Variants in HTR4 observed in about 807,000 individuals in gnomAD.
HTR4 encodes 5-hydroxytryptamine (serotonin) receptor 4, G protein-coupled.
Under a neutral mutation model 36.8 loss-of-function variants are expected in HTR4, and 16 were observed. The ratio of observed to expected loss-of-function variants is 0.43; its 90% CI spans 0.29 to 0.66. The LOEUF (loss-of-function observed/expected upper bound fraction) is 0.66, where lower values mean the gene tolerates loss of function less well. Ranked by LOEUF, HTR4 falls within the 30% of genes least tolerant of loss-of-function variation. The pLI is 0.13. For missense variants in HTR4, 438 were observed against 490.9 expected (o/e 0.89, Z 1.02); for synonymous variants, 189 against 185.1 (o/e 1.02, Z -0.17).
chr5:148,566,251 G>A (rs1727192957), intron 2 of HTR4, among the ~76,000 whole-genome samples: 1 of 152,112 alleles, frequency 6.6e-6, no homozygotes, highest in South Asian at 2.1e-4. Context: ...TAAAGCACAA[G>A]CTCAACCTTT....
intron 2 of HTR4, among the ~76,000 whole-genome samples, chr5:148,609,724 C>A (rs1247503279): frequency 1.3e-5 from 2 of 152,024 alleles, no homozygotes; most frequent in Non-Finnish European, 2.9e-5. Flanking sequence ...CACCACCATG[C>A]CCGGCTAATT....
At chr5:148,451,526 C>A (rs944008228) in intron 5 of HTR4, among the ~76,000 whole-genome samples, 1 of 152,064 alleles carries the variant, frequency 6.6e-6, no homozygotes, top group Non-Finnish European at 1.5e-5. Context: ...GGGTAAGTGG[C>A]AGAGCTGGGA....
chr5:148,634,879 T>C (rs965761237), intron 2 of HTR4, among the ~76,000 whole-genome samples: 2 of 152,180 alleles, frequency 1.3e-5, no homozygotes, highest in Non-Finnish European at 2.9e-5. Flanking sequence ...ATGTAGGCAC[T>C]TTTCCAAGTG....
chr5:148,638,824 G>A (rs1180485347), intron 1 of HTR4, among the ~76,000 whole-genome samples: 5 of 152,116 alleles, frequency 3.3e-5, no homozygotes, highest in African/African-American at 7.2e-5. Flanking sequence ...GGGGGCCTAG[G>A]TGAGTGGATC....
chr5:148,622,376 G>A (rs1247672072), intron 2 of HTR4, among the ~76,000 whole-genome samples: 1 of 152,094 alleles, frequency 6.6e-6, no homozygotes, highest in Non-Finnish European at 1.5e-5. Context: ...GGGTAACTTT[G>A]TCTTCAAATC....
intron 2 of HTR4, among the ~76,000 whole-genome samples, chr5:148,595,688 G>A (rs974725747): frequency 4.6e-5 from 7 of 151,998 alleles, no homozygotes; most frequent in African/African-American, 7.2e-5. Context: ...TCATCTTGCC[G>A]TAAGCAATTT....
downstream of HTR4, chr5:148,481,503 CA>C: frequency 1.4e-6 from 2 of 1,425,866 alleles, no homozygotes; most frequent in East Asian, 4.9e-5. Flanking sequence ...ACTTTCTCCC[CA>C]ACAGAATTAA....
At chr5:148,463,104 T>A (rs2113695176) in intron 5 of HTR4, among the ~76,000 whole-genome samples, 1 of 151,506 alleles carries the variant, frequency 6.6e-6, no homozygotes, top group Non-Finnish European at 1.5e-5. Context: ...CAGAAAGAAG[T>A]CAAGGATGTC....
intron 6 of HTR4, among the ~76,000 whole-genome samples, chr5:148,488,984 A>G (rs936627403): frequency 6.6e-6 from 1 of 152,096 alleles, no homozygotes; most frequent in Non-Finnish European, 1.5e-5. Flanking sequence ...ATATCCTTTC[A>G]TGACTTTTTT....
chr5:148,524,021 G>A (rs1280836654), intron 4 of HTR4, among the ~76,000 whole-genome samples: 1 of 151,282 alleles, frequency 6.6e-6, no homozygotes, highest in East Asian at 1.9e-4. Context: ...TGTGGTTCAA[G>A]GATTCCCCTC....
Position 148,483,289 on chromosome 5 carries a change from C to T in HTR4, c.1081G>A (p.Ala361Thr). 6.2e-7 allele frequency: 1 copy of T among 1,612,632 alleles called. No homozygotes were observed. The highest frequency in any genetic ancestry group is 8.5e-7 in the Non-Finnish European group (1 of 1,179,228). The change falls in exon 7 of 7, where the codon GCA (alanine) becomes ACA (threonine). Residue 361 changes from alanine to threonine, a missense_variant. Ala to Thr is a moderately conservative substitution (Grantham distance 58). Transcript: ENST00000377888. ...TCCCACTGGCCACCACACTCCACTG[C>T]ATCCCTAGAGAGAGGAGAAGATTAC... The part of the protein sequence containing the change: ...INGSTHVLRD[A>T]VECGGQWESQ...
intron 4 of HTR4, among the ~76,000 whole-genome samples, chr5:148,537,348 T>A (rs1449789045): frequency 6.6e-6 from 1 of 151,138 alleles, no homozygotes; most frequent in Non-Finnish European, 1.5e-5. Flanking sequence ...AAGAAAAAAA[T>A]CAACCCCAAA....
intron 5 of HTR4, among the ~76,000 whole-genome samples, chr5:148,467,581 T>A (rs1003440222): frequency 4.6e-5 from 7 of 152,202 alleles, no homozygotes; most frequent in South Asian, 2.1e-4. Context: ...TAAATGTGAT[T>A]AATGTCACAC....
rs781780161 is a variant in HTR4 at position 148,576,110 on chromosome 5, CAAAAAAA to C, written c.27-25855_27-25849del. The stretch of plus-strand genomic sequence containing the variant: ...TGGGCGACAGAGCGAGACTCCGTCT[CAAAAAAA>C]AAAAAAAAAAAAAAAACAAAATCAA... On this transcript the variant is annotated intron_variant, in intron 2 of 6. Transcript: ENST00000377888. Among the ~76,000 whole-genome samples the C allele has an allele frequency of 4.0e-4, 13 of 32,716 alleles. No individual in the cohort carries two copies. The Admixed American group carries it at 4.3e-3, about 11-fold the overall frequency. 21.5% of individuals were successfully genotyped at this position (32,716 alleles called of 152,430 possible). A position where few individuals can be genotyped will look rare whatever the true frequency, so the allele number is the denominator to read the frequency against.
chr5:148,542,169 C>A (rs1472630002), intron 4 of HTR4, among the ~76,000 whole-genome samples: 1 of 152,162 alleles, frequency 6.6e-6, no homozygotes, highest in Non-Finnish European at 1.5e-5. Flanking sequence ...AATAACAGTT[C>A]AAACCCTCTG....
chr5:148,535,753 T>C (rs959325344), intron 4 of HTR4, among the ~76,000 whole-genome samples: 2 of 152,096 alleles, frequency 1.3e-5, no homozygotes, highest in African/African-American at 2.4e-5. Flanking sequence ...AGGCCAAATC[T>C]ACAAATCACT....
chr5:148,582,012 A>G (rs1761155147), intron 2 of HTR4, among the ~76,000 whole-genome samples: 1 of 152,120 alleles, frequency 6.6e-6, no homozygotes, highest in Admixed American at 6.6e-5. Context: ...TCAGTATTTT[A>G]TAATTTTAAG....
At chr5:148,589,871 C>T (rs1487705349) in intron 2 of HTR4, among the ~76,000 whole-genome samples, 1 of 152,128 alleles carries the variant, frequency 6.6e-6, no homozygotes, top group Non-Finnish European at 1.5e-5. Context: ...GAGATCTACT[C>T]TTTCAGCAAT....
chr5:148,574,770 T>C (rs886906471), intron 2 of HTR4, among the ~76,000 whole-genome samples: 1 of 152,098 alleles, frequency 6.6e-6, no homozygotes, highest in Admixed American at 6.6e-5. Context: ...GCTTCTTACA[T>C]GCTCAGGGAA....
Sources: allele counts gnomAD v4.1 joint callset (sites outside exome capture counted in the v4.1 genomes callset), GRCh38; gene constraint gnomAD v4.1.1; transcripts MANE v1.5; gene names NCBI Gene and HGNC (gene_info 2026-07-23, HGNC 2026-07-21).